Variants in BRWD1 observed in about 807,000 individuals in gnomAD.
The protein encoded by BRWD1 is bromodomain and WD repeat domain containing 1.
Under a neutral mutation model 251.2 loss-of-function variants are expected in BRWD1, and 82 were observed. The ratio of observed to expected loss-of-function variants is 0.33; its 90% CI spans 0.27 to 0.39. The LOEUF is 0.39. BRWD1 is among the 10% of genes least tolerant of loss of function. BRWD1 has a pLI of 1.00. For missense variants in BRWD1, 2,233 were observed against 2,711.6 expected, an observed-to-expected ratio of 0.82 and a Z score of 3.92; for synonymous variants, 918 against 902.8, an observed-to-expected ratio of 1.02 and a Z score of -0.30.
At chr21:39,282,682 GCA>G (rs1186538952) in intron 8 of BRWD1, among the ~76,000 whole-genome samples, 1 of 152,126 alleles carries the variant, frequency 6.6e-6, no homozygotes, top group East Asian at 1.9e-4. Flanking sequence ...TAGAGGCCAA[GCA>G]CAGTTGCTCA....
At chr21:39,293,782 G>A (rs1199145489) in intron 8 of BRWD1, 29 bp downstream of exon 8, 12 of 1,555,968 alleles carry the variant, frequency 7.7e-6, no homozygotes, top group Non-Finnish European at 1.1e-5. Flanking sequence ...AATACATATA[G>A]GAATGTGCCC....
chr21:39,318,998 T>G (rs557099728), intron 1 of BRWD1, among the ~76,000 whole-genome samples: 1 of 152,296 alleles, frequency 6.6e-6, no homozygotes, highest in Non-Finnish European at 1.5e-5. Context: ...TAAGTGACCC[T>G]CCTGTCTTGG....
upstream of BRWD1, chr21:39,314,538 G>GT (rs2036654055): frequency 1.4e-5 from 5 of 350,950 alleles, no homozygotes; most frequent in South Asian, 1.1e-4. Context: ...AGACTAGTAG[G>GT]ATGTGAGGTT....
intron 8 of BRWD1, among the ~76,000 whole-genome samples, chr21:39,289,149 G>GT (rs980520767): frequency 1.6e-4 from 25 of 151,968 alleles, no homozygotes; most frequent in Non-Finnish European, 1.6e-4. Flanking sequence ...TCTTAGTACT[G>GT]TTTTTTTCTC....
In BRWD1 at chr21:39,188,581, G is replaced by A; in HGVS notation, c.*7678C>T. 1 of 985,296 alleles carries A rather than the reference G, an allele frequency of 1.0e-6. No individual in the cohort carries two copies. Among genetic ancestry groups the A allele is most frequent in the Non-Finnish European group, 1.2e-6 (1 of 829,868 alleles). 61.0% of individuals were successfully genotyped at this position (985,296 alleles called of 1,614,324 possible). A position where few individuals can be genotyped will look rare whatever the true frequency, so the allele number is the denominator to read the frequency against. On this transcript the variant is annotated 3_prime_UTR_variant, in exon 41 of 41. Transcript: ENST00000342449. The stretch of plus-strand genomic sequence containing the variant: ...CCTTCTGTCACAAAGCTGACTGAAG[G>A]GCAGATGAGTACAGGTAAAAACTGC...
chr21:39,285,444 A>T (rs2035602839), intron 8 of BRWD1, among the ~76,000 whole-genome samples: 1 of 152,228 alleles, frequency 6.6e-6, no homozygotes, highest in African/African-American at 2.4e-5. Context: ...ACAATGTGAT[A>T]GACATTTCAA....
intron 14 of BRWD1, 107 bp from the exon 15 acceptor site, chr21:39,270,140 T>C: frequency 8.3e-7 from 1 of 1,207,718 alleles, no homozygotes; most frequent in East Asian, 2.8e-5. Flanking sequence ...TATTCGACAA[T>C]AATTTATAAT....
At chr21:39,279,638 CAA>C (rs77282416) in intron 9 of BRWD1, among the ~76,000 whole-genome samples, 971 of 66,856 alleles carry the variant, frequency 0.015, 12 homozygotes, top group Non-Finnish European at 0.02. Flanking sequence ...GACTCCATCT[CAA>C]AAAAAAAAAA....
At chr21:39,310,168 T>C (rs1022120004) in intron 4 of BRWD1, among the ~76,000 whole-genome samples, 60 of 152,350 alleles carry the variant, frequency 3.9e-4, no homozygotes, top group African/African-American at 1.4e-3. Context: ...TTAAAACATA[T>C]GTATACCTCA....
chr21:39,198,478 A>G (rs767453243), intron 40 of BRWD1, among the ~76,000 whole-genome samples: 1 of 152,190 alleles, frequency 6.6e-6, no homozygotes, highest in Non-Finnish European at 1.5e-5. Context: ...CTAATATAAT[A>G]TATCCCCATC....
At chr21:39,276,250 T>C (rs1388111207) in intron 11 of BRWD1, 37 bp from the exon 12 acceptor site, 2 of 1,543,150 alleles carry the variant, frequency 1.3e-6, no homozygotes, top group Middle Eastern at 1.7e-4. Flanking sequence ...AAAATGATCA[T>C]CTACATGGTC....
intron 4 of BRWD1, 58 bp downstream of exon 4, chr21:39,312,783 G>A: frequency 7.0e-7 from 1 of 1,434,246 alleles, no homozygotes; most frequent in Non-Finnish European, 9.6e-7. Flanking sequence ...GAGGGGAAGG[G>A]GCGGGGGCGG....
intron 15 of BRWD1, among the ~76,000 whole-genome samples, chr21:39,267,845 TCAGA>T (rs767286294): frequency 1.3e-5 from 2 of 152,170 alleles, no homozygotes; most frequent in African/African-American, 2.4e-5. Context: ...AACTTTCTTC[TCAGA>T]CAGGCTGAAT....
rs1224416528 is a variant in BRWD1 at position 39,313,584 on chromosome 21, G to A, written c.-93C>T. On this transcript the variant is annotated 5_prime_UTR_variant, in exon 1 of 41. Transcript: ENST00000342449. ...ACCGGGCTGGCGTCCCCTCTTCTCA[G>A]GCGCGCGCCGCCGCCGCCGCCGCCG... The A allele has an allele frequency of 7.6e-6, 8 of 1,054,966 alleles. No individual in the cohort carries two copies. In the East Asian group the frequency reaches 2.4e-4, roughly 32 times the overall value. The allele number at this position is 1,054,966 out of a possible 1,614,324, so 65.4% of individuals were successfully genotyped here.
chr21:39,186,862 C>T lies in BRWD1; in HGVS notation c.*9397G>A. On this transcript the variant is annotated 3_prime_UTR_variant, in exon 41 of 41. Transcript: ENST00000342449. ...CCTCAGAATTCCCCAGAGCACATGT[C>T]TGTACAAGAGCTGACTGGGAGGAAC... 8.4e-7 allele frequency: 1 copy of T among 1,194,992 alleles called. No homozygotes were observed. Among genetic ancestry groups the T allele is most frequent in the Non-Finnish European group, 1.1e-6 (1 of 894,910 alleles). The allele number at this position is 1,194,992 out of a possible 1,614,324, so 74.0% of individuals were successfully genotyped here.
At chr21:39,248,502 G>C (rs1334725559) in intron 20 of BRWD1, among the ~76,000 whole-genome samples, 1 of 151,784 alleles carries the variant, frequency 6.6e-6, no homozygotes, top group Non-Finnish European at 1.5e-5. Context: ...GCTGGGCATG[G>C]TGGTACACAG....
chr21:39,292,280 TAATA>T (rs2035839269), intron 8 of BRWD1, among the ~76,000 whole-genome samples: 1 of 152,064 alleles, frequency 6.6e-6, no homozygotes, highest in African/African-American at 2.4e-5. Flanking sequence ...GCATAAGTCT[TAATA>T]AATCTTGTCT....
At position 39,190,983 on chromosome 21, in the gene BRWD1, AG is replaced by A. The variant is rs1042678635; in HGVS notation, c.*5275del. 4.1e-6 allele frequency: 4 copies of A among 984,570 alleles called. No homozygotes were observed. The highest frequency in any genetic ancestry group is 4.8e-6 in the Non-Finnish European group (4 of 829,838). The allele number at this position is 984,570 out of a possible 1,614,324, so 61.0% of individuals were successfully genotyped here. A position where few individuals can be genotyped will look rare whatever the true frequency, so the allele number is the denominator to read the frequency against. Reference sequence around the variant, plus strand: ...TTTTCTCTCACCCCTAGAAAAACTCAGATTTGTGATGGCTATTGCAATTTTT... The same window carrying A: ...TTTTCTCTCACCCCTAGAAAAACTCAATTTGTGATGGCTATTGCAATTTTT... On this transcript the variant is annotated 3_prime_UTR_variant, in exon 41 of 41. Coordinates refer to ENST00000342449, the MANE Select transcript of BRWD1 (RefSeq NM_033656.4).
rs148960068 is a variant in BRWD1 at position 39,307,685 on chromosome 21, ATACT to A, written c.198+5152_198+5155del. Among the ~76,000 whole-genome samples, 1,234 of 152,312 alleles carry A rather than the reference ATACT, an allele frequency of 8.1e-3. 17 individuals are homozygous for A. Among genetic ancestry groups the A allele is most frequent in the African/African-American group, 0.028 (1,158 of 41,568 alleles). ...ACTTGGAACTTGGGTGCACTGCCAG[ATACT>A]TTAAGTCTTAGGCTGAGCCTTTTTT... is the stretch of plus-strand genomic sequence containing the variant. On this transcript the variant is annotated intron_variant, in intron 4 of 40. Coordinates refer to ENST00000342449, the MANE Select transcript of BRWD1 (RefSeq NM_033656.4).
Sources: allele counts gnomAD v4.1 joint callset (sites outside exome capture counted in the v4.1 genomes callset), GRCh38; gene constraint gnomAD v4.1.1; transcripts MANE v1.5; gene names NCBI Gene and HGNC (gene_info 2026-07-23, HGNC 2026-07-21).